Variants in KSR2 observed in about 807,000 individuals in gnomAD.
KSR2 encodes the protein kinase suppressor of ras 2.
A neutral mutation model predicts 107.8 loss-of-function variants in KSR2; 25 were observed. The ratio of observed to expected loss-of-function variants is 0.23; its 90% CI spans 0.17 to 0.32. KSR2 has a LOEUF of 0.32. KSR2 is among the 10% of genes least tolerant of loss of function. The pLI, the probability that KSR2 is intolerant of heterozygous loss-of-function variation, is 1.00. For missense variants in KSR2, 887 were observed against 1,268.9 expected (o/e 0.70, Z 4.57); for synonymous variants, 480 against 507.0 (o/e 0.95, Z 0.71).
At position 117,931,692 on chromosome 12, in the gene KSR2, A is replaced by G. The variant is rs547317372; in HGVS notation, c.180+36384T>C. On this transcript the variant is annotated intron_variant, in intron 1 of 19. Transcript: ENST00000339824. ...GTCTGCTAGGCACGGAGCCCAAACC[A>G]TAGGAACAATACAACCAGAAAATTT... is the stretch of plus-strand genomic sequence containing the variant. 6.9e-4 allele frequency among the ~76,000 whole-genome samples: 105 copies of G among 152,330 alleles called. 1 individual carries two copies. The highest frequency in any genetic ancestry group is 2.4e-3 in the African/African-American group (101 of 41,584).
intron 4 of KSR2, among the ~76,000 whole-genome samples, chr12:117,684,179 T>C (rs1885478284): frequency 6.6e-6 from 1 of 152,190 alleles, no homozygotes; most frequent in Admixed American, 6.5e-5. Context: ...TTCCTCATCC[T>C]GACCCACCCC....
At position 117,614,950 on chromosome 12, in the gene KSR2, G is replaced by T. The variant is rs375164495; in HGVS notation, c.1172-32591C>A. Among the ~76,000 whole-genome samples the T allele has an allele frequency of 2.6e-5, 4 of 151,946 alleles. 1 individual carries two copies. Among genetic ancestry groups the T allele is most frequent in the African/African-American group, 9.7e-5 (4 of 41,402 alleles). On this transcript the variant is annotated intron_variant, in intron 5 of 19. Coordinates refer to ENST00000339824, the MANE Select transcript of KSR2 (RefSeq NM_173598.6). ...TGGACTGAATTTGATTATAATGATG[G>T]CAGTTGAGGGAAAAAAACTGTCTTA...
intron 1 of KSR2, among the ~76,000 whole-genome samples, chr12:117,915,346 G>T (rs1466409236): frequency 2.6e-5 from 4 of 152,182 alleles, no homozygotes; most frequent in African/African-American, 9.7e-5. Context: ...CTAAATGAGG[G>T]CTCCACCCTC....
rs1278862031 is a variant in KSR2, at chr12:117,667,485, T to C, written c.1160A>G (p.Asn387Ser). The C allele has an allele frequency of 6.2e-7, 1 of 1,610,808 alleles. No individual in the cohort carries two copies. The highest frequency in any genetic ancestry group is 8.5e-7 in the Non-Finnish European group (1 of 1,178,938). ...PSTPPVHTEA[N>S]FSANTLSVPR... ...GCAGGGTGACTTACTTGCAGAGAAG[T>C]TGGCCTCAGTGTGAACAGGAGGGGT... Residue 387 changes from asparagine (N) to serine (S), a missense_variant, in exon 5 of 20, where the codon AAC becomes AGC. By Grantham distance (46) the Asn-to-Ser change is conservative. This residue lies in a region of KSR2 where 399 missense variants were observed against 479.5 expected (regional missense o/e 0.83). Coordinates refer to ENST00000339824, the MANE Select transcript of KSR2 (RefSeq NM_173598.6).
chr12:117,604,310 G>T (rs561500822), intron 5 of KSR2, among the ~76,000 whole-genome samples: 2 of 152,248 alleles, frequency 1.3e-5, no homozygotes, highest in South Asian at 4.2e-4. Context: ...ATGTCAGAAT[G>T]GCCACCCTGC....
intron 14 of KSR2, among the ~76,000 whole-genome samples, chr12:117,505,223 T>C (rs1873605964): frequency 6.6e-6 from 1 of 152,194 alleles, no homozygotes; most frequent in Non-Finnish European, 1.5e-5. Flanking sequence ...CCTGACCTTG[T>C]GTCAGTCCTT....
intron 4 of KSR2, among the ~76,000 whole-genome samples, chr12:117,680,595 C>T (rs1463235887): frequency 6.6e-6 from 1 of 152,128 alleles, no homozygotes; most frequent in Non-Finnish European, 1.5e-5. Context: ...CCCCTCCCAA[C>T]AATAGTGAAA....
At chr12:117,715,476 A>G (rs1886943396) in intron 4 of KSR2, among the ~76,000 whole-genome samples, 1 of 152,200 alleles carries the variant, frequency 6.6e-6, no homozygotes, top group South Asian at 2.1e-4. Context: ...CAAGGGAGAA[A>G]ATTCACCTTT....
intron 3 of KSR2, among the ~76,000 whole-genome samples, chr12:117,854,113 A>G (rs1037140700): frequency 4.6e-5 from 7 of 151,908 alleles, no homozygotes; most frequent in African/African-American, 1.7e-4. Context: ...CAAGTGATCC[A>G]CCAGCCTCAG....
intron 9 of KSR2, among the ~76,000 whole-genome samples, chr12:117,546,606 C>A (rs1018497438): frequency 3.9e-5 from 6 of 152,130 alleles, no homozygotes; most frequent in African/African-American, 1.4e-4. Context: ...CCGATGACAC[C>A]AATGTTAGAT....
chr12:117,629,080 G>A (rs1882681003), intron 5 of KSR2, among the ~76,000 whole-genome samples: 1 of 152,252 alleles, frequency 6.6e-6, no homozygotes, highest in Non-Finnish European at 1.5e-5. Flanking sequence ...TTGGGTGGGA[G>A]TGTCCTGTTT....
chr12:117,940,999 C>A (rs930415614), intron 1 of KSR2, among the ~76,000 whole-genome samples: 1 of 151,936 alleles, frequency 6.6e-6, no homozygotes, highest in Non-Finnish European at 1.5e-5. Context: ...GCAGGAGAAT[C>A]GCTAGAACCC....
At chr12:117,565,298 T>A (rs146659863) in intron 7 of KSR2, among the ~76,000 whole-genome samples, 129 of 152,364 alleles carry the variant, frequency 8.5e-4, no homozygotes, top group African/African-American at 3.1e-3. Flanking sequence ...TCTTGTTCCA[T>A]GCCAGCTAAC....
Position 117,901,799 on chromosome 12 carries a change from G to T in KSR2, c.181-41368C>A, listed in dbSNP as rs550246777. On this transcript the variant is annotated intron_variant, in intron 1 of 19. Coordinates refer to ENST00000339824, the MANE Select transcript of KSR2 (RefSeq NM_173598.6). The stretch of plus-strand genomic sequence containing the variant: ...GGCCATCACATATGCCGCTGGGTGG[G>T]TTTACGAGGGTTCAGCGTGGCGTAC... 2.0e-5 allele frequency among the ~76,000 whole-genome samples: 3 copies of T among 152,220 alleles called. No homozygotes were observed. In the South Asian group the frequency reaches 6.2e-4, roughly 32 times the overall value.
At chr12:117,795,741 G>A (rs958060213) in intron 3 of KSR2, among the ~76,000 whole-genome samples, 6 of 151,848 alleles carry the variant, frequency 4.0e-5, no homozygotes, top group East Asian at 1.9e-4. Context: ...CAATCCTCCC[G>A]CCTCAACCTC....
chr12:117,957,772 C>CACAG (rs397719035), intron 1 of KSR2, among the ~76,000 whole-genome samples: 2 of 150,352 alleles, frequency 1.3e-5, no homozygotes, highest in Non-Finnish European at 3.0e-5. Context: ...CACACACACA[C>CACAG]GCACACCTTT....
chr12:117,881,358 G>A (rs866893536), intron 1 of KSR2, among the ~76,000 whole-genome samples: 14 of 152,164 alleles, frequency 9.2e-5, no homozygotes, highest in East Asian at 7.7e-4. Flanking sequence ...ACTACAGACC[G>A]GCCACTCCAA....
intron 5 of KSR2, among the ~76,000 whole-genome samples, chr12:117,634,369 T>C (rs1383572374): frequency 1.3e-5 from 2 of 152,204 alleles, no homozygotes; most frequent in East Asian, 1.9e-4. Flanking sequence ...AGCCATTGCA[T>C]GCATCAGATC....
chr12:117,585,243 T>C (rs1043483258), intron 5 of KSR2, among the ~76,000 whole-genome samples: 11 of 152,168 alleles, frequency 7.2e-5, no homozygotes, highest in African/African-American at 2.7e-4. Context: ...GCCAACTCCC[T>C]CCCTTATTAT....
Sources: gnomAD v4.1 joint callset for allele counts (sites outside exome capture counted in the v4.1 genomes callset) on GRCh38, gnomAD v4.1.1 for gene constraint, gnomAD v4.1.1 regional missense constraint, MANE v1.5 for transcripts, NCBI Gene and HGNC (gene_info 2026-07-23, HGNC 2026-07-21) for gene names.